The following GRB10 variants were observed in gnomAD, a reference collection of about 807,000 sequenced individuals.
The protein encoded by GRB10 is growth factor receptor-bound protein 10.
A neutral mutation model predicts 80.9 loss-of-function variants in GRB10; 20 were observed. That is an observed-to-expected ratio of 0.25 (90% CI 0.17 to 0.36). The LOEUF (loss-of-function observed/expected upper bound fraction) is 0.36, where lower values mean the gene tolerates loss of function less well. Ranked by LOEUF, GRB10 falls within the 10% of genes least tolerant of loss-of-function variation. The pLI is 1.00. For missense variants in GRB10, 548 were observed against 747.7 expected (o/e 0.73, Z 3.12); for synonymous variants, 291 against 291.5 (o/e 1.00, Z 0.02).
At position 50,595,583 on chromosome 7, in the gene GRB10, T is replaced by TCA. The variant is rs900246133; in HGVS notation, c.1545-55_1545-54dup. 1.4e-4 allele frequency: 90 copies of TCA among 646,374 alleles called. 2 individuals carry two copies. Among genetic ancestry groups the TCA allele is most frequent in the South Asian group, 4.6e-4 (26 of 56,400 alleles). The allele number at this position is 646,374 out of a possible 1,614,324, so 40.0% of individuals were successfully genotyped here. On this transcript the variant is annotated intron_variant, in intron 17 of 18. Coordinates refer to ENST00000401949, the MANE Select transcript of GRB10 (RefSeq NM_001350814.2). ...AAAATATTTTAAAATCTGGAACTAATCACACACACACACTCTCTTACACAC... is the reference window on the plus strand; with the variant it reads ...AAAATATTTTAAAATCTGGAACTAATCACACACACACACACTCTCTTACACAC...
chr7:50,691,018 A>G (rs759033860), intron 5 of GRB10, among the ~76,000 whole-genome samples: 65 of 152,244 alleles, frequency 4.3e-4, no homozygotes, highest in Admixed American at 1.3e-4. Flanking sequence ...GGCAAAACAA[A>G]GAGAACACAG....
chr7:50,655,118 T>C (rs553296006), intron 7 of GRB10, among the ~76,000 whole-genome samples: 4 of 152,274 alleles, frequency 2.6e-5, no homozygotes, highest in African/African-American at 9.6e-5. Flanking sequence ...AAACCCGAGG[T>C]CATTCTCTAG....
intron 4 of GRB10, among the ~76,000 whole-genome samples, chr7:50,724,577 G>A (rs567432058): frequency 6.6e-5 from 10 of 152,036 alleles, no homozygotes; most frequent in South Asian, 2.1e-4. Context: ...AGCGTGAGCC[G>A]CCCAGCTCTG....
At chr7:50,643,891 T>C (rs988850550) in intron 7 of GRB10, among the ~76,000 whole-genome samples, 4 of 152,246 alleles carry the variant, frequency 2.6e-5, no homozygotes, top group African/African-American at 9.6e-5. Context: ...TTCTTTGCTC[T>C]ATTACTGCAA....
chr7:50,791,697 C>T (rs1051839898), intron 1 of GRB10, among the ~76,000 whole-genome samples: 1 of 152,216 alleles, frequency 6.6e-6, no homozygotes, highest in Non-Finnish European at 1.5e-5. Context: ...GTAACTCTGT[C>T]CTCAAATTCC....
chr7:50,718,164 G>C (rs2067176788), intron 4 of GRB10, among the ~76,000 whole-genome samples: 1 of 152,204 alleles, frequency 6.6e-6, no homozygotes, highest in African/African-American at 2.4e-5. Context: ...AGGAAGAAAG[G>C]GAAGGGGATC....
At chr7:50,655,813 C>T (rs891053642) in intron 7 of GRB10, among the ~76,000 whole-genome samples, 1 of 152,254 alleles carries the variant, frequency 6.6e-6, no homozygotes, top group African/African-American at 2.4e-5. Context: ...TCCAGGGTGC[C>T]TGTGCCTTCC....
In GRB10 at chr7:50,590,572, C is replaced by T. The variant is rs2045732137; in HGVS notation, c.*2380G>A. 6.6e-6 allele frequency: 1 copy of T among 152,660 alleles called. No homozygotes were observed. Among genetic ancestry groups the T allele is most frequent in the African/African-American group, 2.4e-5 (1 of 41,462 alleles). 9.5% of individuals were successfully genotyped at this position (152,660 alleles called of 1,614,324 possible). A position where few individuals can be genotyped will look rare whatever the true frequency, so the allele number is the denominator to read the frequency against. ...GAGTTTCATTTAGAAAAGAAAATCA[C>T]AGGCAGAGATACAAAGTCAACAGGC... is the stretch of plus-strand genomic sequence containing the variant. On this transcript the variant is annotated 3_prime_UTR_variant, in exon 19 of 19. Transcript: ENST00000401949.
At chr7:50,663,955 T>A (rs2059542179) in intron 7 of GRB10, among the ~76,000 whole-genome samples, 1 of 152,168 alleles carries the variant, frequency 6.6e-6, no homozygotes, top group Admixed American at 6.5e-5. Context: ...GACACTGAAA[T>A]GTGCAAAATG....
At chr7:50,610,983 T>A (rs2049408020) in intron 13 of GRB10, among the ~76,000 whole-genome samples, 1 of 149,406 alleles carries the variant, frequency 6.7e-6, no homozygotes, top group African/African-American at 2.4e-5. Flanking sequence ...CACTTTCCTT[T>A]TTCATTTCCT....
intron 3 of GRB10, chr7:50,747,640 G>C (rs2073208953): frequency 1.3e-5 from 2 of 152,308 alleles, no homozygotes; most frequent in East Asian, 1.9e-4. Context: ...GCATGGAGCA[G>C]GGCAGCTCCA....
chr7:50,780,459 C>G (rs2078165448), intron 2 of GRB10, among the ~76,000 whole-genome samples, 168 bp downstream of exon 2: 1 of 152,186 alleles, frequency 6.6e-6, no homozygotes, highest in Non-Finnish European at 1.5e-5. Context: ...AACTTTCTAA[C>G]TGAATCACCA....
At position 50,618,131 on chromosome 7, in the gene GRB10, G is replaced by A; in HGVS notation, c.786C>T (p.Phe262=). 1 of 1,613,750 alleles carries A rather than the reference G, an allele frequency of 6.2e-7. No individual in the cohort carries two copies. Among genetic ancestry groups the A allele is most frequent in the Non-Finnish European group, 8.5e-7 (1 of 1,179,678 alleles). ...YEFFKNPMNF[F]PEQMVTWCQQ... ...GGCACCAAGTAACCATCTGTTCTGG[G>A]AAGAAATTCTAAGAAAATGGGAAAA... The change falls in exon 10 of 19, where the codon TTC becomes TTT. Residue 262 remains phenylalanine (F), a synonymous_variant. Coordinates refer to ENST00000401949, the MANE Select transcript of GRB10 (RefSeq NM_001350814.2).
chr7:50,638,054 CAGA>C (rs2055410073), intron 7 of GRB10, among the ~76,000 whole-genome samples: 2 of 152,134 alleles, frequency 1.3e-5, no homozygotes, highest in South Asian at 4.1e-4. Context: ...TAGCCATAAG[CAGA>C]AGAATGAACC....
At chr7:50,634,997 C>A (rs1460525845) in intron 7 of GRB10, among the ~76,000 whole-genome samples, 2 of 152,166 alleles carry the variant, frequency 1.3e-5, no homozygotes, top group South Asian at 2.1e-4. Context: ...AGAAAGTCAA[C>A]AAAGAAACTC....
intron 2 of GRB10, chr7:50,761,662 T>C (rs1406811908): frequency 6.6e-6 from 1 of 152,206 alleles, no homozygotes; most frequent in African/African-American, 2.4e-5. Context: ...GAGGTGTAAA[T>C]GTTAAATTGA....
At chr7:50,693,701 C>G (rs2063094499) in intron 5 of GRB10, among the ~76,000 whole-genome samples, 1 of 152,132 alleles carries the variant, frequency 6.6e-6, no homozygotes, top group Non-Finnish European at 1.5e-5. Flanking sequence ...CAGCCCTGTT[C>G]TCCAGACGGA....
chr7:50,736,652 C>T (rs969853132), intron 3 of GRB10, among the ~76,000 whole-genome samples: 4 of 152,066 alleles, frequency 2.6e-5, no homozygotes, highest in Non-Finnish European at 5.9e-5. Flanking sequence ...GGCATGGTCA[C>T]GTGCACTGTA....
At chr7:50,683,875 C>T (rs1051873243) in intron 5 of GRB10, among the ~76,000 whole-genome samples, 20 of 152,122 alleles carry the variant, frequency 1.3e-4, no homozygotes, top group Non-Finnish European at 2.1e-4. Context: ...AGGTTACCCT[C>T]CAGGTGATGC....
Sources: allele counts gnomAD v4.1 joint callset (sites outside exome capture counted in the v4.1 genomes callset), GRCh38; gene constraint gnomAD v4.1.1; transcripts MANE v1.5; gene names NCBI Gene and HGNC (gene_info 2026-07-23, HGNC 2026-07-21).